Variants in SLC38A1 observed in about 807,000 individuals in gnomAD.
SLC38A1 encodes sodium-coupled neutral amino acid symporter 1.
In SLC38A1, 18 loss-of-function variants were observed where a neutral mutation model predicts 60.3. The ratio of observed to expected loss-of-function variants is 0.30; its 90% confidence interval spans 0.21 to 0.44. The LOEUF (loss-of-function observed/expected upper bound fraction) is 0.44. SLC38A1 is among the 20% of genes least tolerant of loss of function. The probability of loss-of-function intolerance (pLI) is 1.00; values close to 1 mark genes in which losing one functional copy is unlikely to be tolerated. For missense variants in SLC38A1, 448 were observed against 587.2 expected (o/e 0.76, Z 2.45); for synonymous variants, 196 against 212.1 (o/e 0.92, Z 0.66).
chr12:46,203,126 C>A (rs761144404), intron 11 of SLC38A1, 37 bp from the exon 12 acceptor site: 1 of 1,544,312 alleles, frequency 6.5e-7, no homozygotes, highest in Non-Finnish European at 8.9e-7. Context: ...AGGAAAAACA[C>A]TTTTACCATA....
intron 5 of SLC38A1, among the ~76,000 whole-genome samples, chr12:46,227,995 A>G (rs547928511): frequency 1.3e-5 from 2 of 152,136 alleles, no homozygotes; most frequent in African/African-American, 2.4e-5. Context: ...ATGTTGTCCA[A>G]TTCTGCCATA....
intron 3 of SLC38A1, among the ~76,000 whole-genome samples, chr12:46,238,115 A>T (rs186191495): frequency 6.6e-6 from 1 of 151,996 alleles, no homozygotes; most frequent in East Asian, 1.9e-4. Flanking sequence ...TTGCAGAAGA[A>T]TACTTGTGCA....
chr12:46,229,156 A>G lies in SLC38A1; in HGVS notation c.311T>C (p.Phe104Ser). 6.2e-7 allele frequency: 1 copy of G among 1,604,344 alleles called. No homozygotes were observed. The highest frequency in any genetic ancestry group is 8.5e-7 in the Non-Finnish European group (1 of 1,171,996). Residue 104 changes from phenylalanine (F) to serine (S), a missense_variant, in exon 5 of 17, where the codon TTT (phenylalanine) becomes TCT (serine). Physicochemically the swap from Phe to Ser is radical, Grantham distance 155. Transcript: ENST00000398637. ...GTACCGGCACGTCAATACTCACAGA[A>G]AAAGTAGGATTCCAGTGTTTGCCAG... is the stretch of plus-strand genomic sequence containing the variant. The part of the protein sequence containing the change: ...FALANTGILL[F>S]LVLLTSVTLL...
intron 16 of SLC38A1, chr12:46,197,443 C>T (rs1415436305): frequency 1.9e-5 from 5 of 267,644 alleles, no homozygotes; most frequent in Non-Finnish European, 3.5e-5. Context: ...GGAGGCGGAG[C>T]TTACAGTGAG....
chr12:46,227,048 CAAAAAAA>C (rs112968984), intron 5 of SLC38A1, among the ~76,000 whole-genome samples: 2 of 114,536 alleles, frequency 1.7e-5, no homozygotes, highest in East Asian at 4.5e-4. Flanking sequence ...GACAAGTTTC[CAAAAAAA>C]AAAAAAATTA....
chr12:46,207,685 G>T, intron 6 of SLC38A1, 64 bp from the exon 7 acceptor site: 2 of 1,457,636 alleles, frequency 1.4e-6, no homozygotes, highest in Non-Finnish European at 1.9e-6. Flanking sequence ...AAATAGTCAA[G>T]ATTTTGTCAT....
chr12:46,223,221 G>A (rs1025219375), intron 5 of SLC38A1, among the ~76,000 whole-genome samples: 7 of 152,064 alleles, frequency 4.6e-5, no homozygotes, highest in Non-Finnish European at 7.4e-5. Context: ...GTGATCACAG[G>A]TAAGTTATTA....
intron 3 of SLC38A1, among the ~76,000 whole-genome samples, chr12:46,237,612 G>T (rs1432379983): frequency 6.6e-6 from 1 of 151,838 alleles, no homozygotes; most frequent in Non-Finnish European, 1.5e-5. Context: ...GCTCATCCAG[G>T]CAAGGTGCCT....
chr12:46,239,388 G>T, intron 3 of SLC38A1: 1 of 198,964 alleles, frequency 5.0e-6, no homozygotes, highest in Non-Finnish European at 1.0e-5. Flanking sequence ...GCAGTGGCAT[G>T]ATCTCGGCTC....
chr12:46,230,603 A>G (rs967987985), intron 3 of SLC38A1, among the ~76,000 whole-genome samples: 2 of 152,232 alleles, frequency 1.3e-5, no homozygotes, highest in Admixed American at 1.3e-4. Flanking sequence ...CATGGGGAAA[A>G]TAGGACTTGA....
chr12:46,235,294 A>G (rs1384340741), intron 3 of SLC38A1, among the ~76,000 whole-genome samples: 1 of 152,260 alleles, frequency 6.6e-6, no homozygotes, highest in Non-Finnish European at 1.5e-5. Context: ...TTACTAGATT[A>G]TACTGTTTCC....
chr12:46,267,075 A>C (rs975379045), intron 1 of SLC38A1: 1 of 152,214 alleles, frequency 6.6e-6, no homozygotes, highest in African/African-American at 2.4e-5. Context: ...GAGTTGCTGC[A>C]CAGTTTCTTT....
intron 1 of SLC38A1, among the ~76,000 whole-genome samples, chr12:46,256,613 G>GCGCA (rs1555192371): frequency 1.6e-4 from 17 of 107,460 alleles, no homozygotes; most frequent in African/African-American, 5.9e-4. Flanking sequence ...GCGCGCGCGC[G>GCGCA]CACACACACA....
At chr12:46,239,411 G>C in intron 3 of SLC38A1, 1 of 220,494 alleles carries the variant, frequency 4.5e-6, no homozygotes, top group South Asian at 7.5e-5. Flanking sequence ...TGCAACCTCC[G>C]CCTCTCAGGT....
intron 1 of SLC38A1, among the ~76,000 whole-genome samples, chr12:46,248,906 C>A (rs1369606591): frequency 6.6e-6 from 1 of 152,148 alleles, no homozygotes; most frequent in Non-Finnish European, 1.5e-5. Flanking sequence ...CCTGTAATCT[C>A]AGCACTTTGG....
At chr12:46,251,640 G>GA (rs1941843458) in intron 1 of SLC38A1, among the ~76,000 whole-genome samples, 1 of 151,904 alleles carries the variant, frequency 6.6e-6, no homozygotes, top group Admixed American at 6.6e-5. Flanking sequence ...AAATTTTCAA[G>GA]AAAAAAACAA....
chr12:46,217,527 G>GT (rs1940468766), intron 5 of SLC38A1, among the ~76,000 whole-genome samples: 1 of 152,110 alleles, frequency 6.6e-6, no homozygotes, highest in South Asian at 2.1e-4. Flanking sequence ...AAAATATAAA[G>GT]AACTTTTCAA....
intron 1 of SLC38A1, among the ~76,000 whole-genome samples, chr12:46,243,702 T>C (rs1592137653): frequency 6.6e-6 from 1 of 152,190 alleles, no homozygotes; most frequent in East Asian, 1.9e-4. Context: ...GGCTATACGA[T>C]TAATTAAAAG....
intron 5 of SLC38A1, among the ~76,000 whole-genome samples, chr12:46,216,688 G>A (rs898273401): frequency 3.3e-5 from 5 of 152,058 alleles, no homozygotes; most frequent in South Asian, 2.1e-4. Flanking sequence ...CCGTATCTAC[G>A]TTATCTACTA....
Sources: allele counts gnomAD v4.1 joint callset (sites outside exome capture counted in the v4.1 genomes callset), GRCh38; gene constraint gnomAD v4.1.1; transcripts MANE v1.5; gene names NCBI Gene and HGNC (gene_info 2026-07-23, HGNC 2026-07-21).